The following RFC1 variants were observed in gnomAD, a reference collection of about 807,000 sequenced individuals.
RFC1 encodes A1 140 kDa subunit.
A neutral mutation model predicts 137.4 loss-of-function variants in RFC1; 37 were observed. That is an observed-to-expected ratio of 0.27 (90% CI 0.21 to 0.35). RFC1 has a LOEUF of 0.35. Among genes scored for constraint, RFC1 ranks in the 10% least tolerant of loss-of-function variants. The pLI, the probability that RFC1 is intolerant of heterozygous loss-of-function variation, is 1.00. For synonymous variants in RFC1, 429 were observed against 455.7 expected (o/e 0.94, Z 0.75); for missense variants, 1,205 against 1,358.5 (o/e 0.89, Z 1.78).
chr4:39,351,964 C>G (rs1253644969), intron 1 of RFC1, among the ~76,000 whole-genome samples: 18 of 124,972 alleles, frequency 1.4e-4, no homozygotes, highest in African/African-American at 5.4e-4. Context: ...AAGACTCCGT[C>G]TCAAAAAAAA....
chr4:39,312,504 A>T (rs924135520), intron 11 of RFC1, among the ~76,000 whole-genome samples: 2 of 152,234 alleles, frequency 1.3e-5, no homozygotes, highest in South Asian at 4.1e-4. Flanking sequence ...TATCTTCAAA[A>T]ATAAAAAAAG....
At chr4:39,362,990 T>C (rs778995308) in intron 1 of RFC1, among the ~76,000 whole-genome samples, 23 of 152,212 alleles carry the variant, frequency 1.5e-4, no homozygotes, top group Non-Finnish European at 3.2e-4. Context: ...TAGTAAACCA[T>C]GATGTGAAAG....
At chr4:39,339,924 C>A (rs146165211) in intron 4 of RFC1, among the ~76,000 whole-genome samples, 147 of 152,110 alleles carry the variant, frequency 9.7e-4, no homozygotes, top group African/African-American at 3.3e-3. Flanking sequence ...TAAACAAATA[C>A]AAAATGTCTT....
intron 10 of RFC1, among the ~76,000 whole-genome samples, chr4:39,316,420 G>A (rs1297278390): frequency 6.6e-6 from 1 of 151,850 alleles, no homozygotes; most frequent in Non-Finnish European, 1.5e-5. Context: ...CATACATTCT[G>A]GCCCCTCTGC....
chr4:39,341,558 CTTTG>C (rs17334784), intron 4 of RFC1: 2 of 454,898 alleles, frequency 4.4e-6, no homozygotes, highest in African/African-American at 4.0e-5. Flanking sequence ...CACCTATGGA[CTTTG>C]TTTTTCTTTT....
intron 22 of RFC1, among the ~76,000 whole-genome samples, chr4:39,292,599 G>A (rs1737741263): frequency 6.6e-6 from 1 of 150,516 alleles, no homozygotes. Context: ...TTCAAACCAG[G>A]CATTTATATG....
chr4:39,315,258 C>T (rs1739181734), intron 10 of RFC1, among the ~76,000 whole-genome samples: 1 of 152,230 alleles, frequency 6.6e-6, no homozygotes, highest in Non-Finnish European at 1.5e-5. Context: ...ATCTTAACAG[C>T]ATGACAGACT....
intron 4 of RFC1, among the ~76,000 whole-genome samples, chr4:39,329,575 A>G (rs1346627543): frequency 1.3e-5 from 2 of 151,242 alleles, no homozygotes; most frequent in South Asian, 2.1e-4. Flanking sequence ...AAAAAAAAAA[A>G]GAAAAAGAAA....
chr4:39,353,273 T>A (rs752201436), intron 1 of RFC1, among the ~76,000 whole-genome samples: 81 of 151,646 alleles, frequency 5.3e-4, no homozygotes, highest in Non-Finnish European at 1.0e-3. Flanking sequence ...CGGTGGTGCA[T>A]GCCTATAATC....
intron 4 of RFC1, among the ~76,000 whole-genome samples, chr4:39,335,770 T>C (rs1251182583): frequency 6.6e-6 from 1 of 152,160 alleles, no homozygotes; most frequent in Non-Finnish European, 1.5e-5. Context: ...ATCGATGCAA[T>C]TTCCCCACTG....
rs1275704364 is a variant in RFC1, at chr4:39,327,610, G to A, written c.478C>T (p.Leu160Phe). 4 of 1,613,750 alleles carry A rather than the reference G, an allele frequency of 2.5e-6. No individual in the cohort carries two copies. The highest frequency in any genetic ancestry group is 3.4e-6 in the Non-Finnish European group (4 of 1,179,842). ...TAATCAAGTACTGATGTGGGTGTAAGTTTTATTGGTGATAAAGGCTTATTC... is the reference window on the plus strand; with the variant it reads ...TAATCAAGTACTGATGTGGGTGTAAATTTTATTGGTGATAAAGGCTTATTC... Reference protein sequence around the residue: ...TKNKPLSPIKLTPTSVLDYFG... With the variant: ...TKNKPLSPIKFTPTSVLDYFG... Residue 160 changes from leucine to phenylalanine, a missense_variant, in exon 5 of 25, where the codon CTT becomes TTT. Leu to Phe is a conservative substitution (Grantham distance 22, BLOSUM62 0). Around this residue, in one of 3 missense-constraint regions of RFC1, gnomAD observed 962 missense variants for 1,035.3 expected, o/e 0.93. Coordinates refer to ENST00000349703, the MANE Select transcript of RFC1 (RefSeq NM_002913.5).
intron 7 of RFC1, among the ~76,000 whole-genome samples, chr4:39,322,627 A>G (rs1739573425): frequency 6.6e-6 from 1 of 152,132 alleles, no homozygotes; most frequent in East Asian, 1.9e-4. Flanking sequence ...AGTAAGGAAA[A>G]GGTAAACTGG....
chr4:39,339,554 T>G (rs745571865), intron 4 of RFC1, among the ~76,000 whole-genome samples: 9 of 152,178 alleles, frequency 5.9e-5, no homozygotes, highest in Non-Finnish European at 1.2e-4. Context: ...TGGAGAAATG[T>G]CTATTCAGGT....
intron 9 of RFC1, among the ~76,000 whole-genome samples, chr4:39,319,450 A>C (rs569172547): frequency 1.2e-4 from 18 of 152,340 alleles, no homozygotes; most frequent in African/African-American, 4.3e-4. Flanking sequence ...AATATCTCAC[A>C]GGGTTGTTGT....
chr4:39,328,169 A>G lies in RFC1; in HGVS notation c.332-413T>C, dbSNP rs17334881. On this transcript the variant is annotated intron_variant, in intron 4 of 24. Coordinates refer to ENST00000349703, the MANE Select transcript of RFC1 (RefSeq NM_002913.5). ...ATCCAAGAACTTAGAGATGCTAATA[A>G]CTTTTTCCCCCTATCTCCAAAATTC... 1.9e-3 allele frequency among the ~76,000 whole-genome samples: 225 copies of G among 118,236 alleles called. 2 individuals carry two copies. Among genetic ancestry groups the G allele is most frequent in the Admixed American group, 0.015 (153 of 10,030 alleles). 77.6% of individuals were successfully genotyped at this position (118,236 alleles called of 152,430 possible).
At chr4:39,323,272 G>C (rs1362338538) in intron 7 of RFC1, 68 bp downstream of exon 7, 2 of 1,182,354 alleles carry the variant, frequency 1.7e-6, no homozygotes, top group African/African-American at 3.1e-5. Flanking sequence ...CTAGAGCCTA[G>C]AACACGCAAG....
chr4:39,343,175 A>G (rs565270794), intron 3 of RFC1, among the ~76,000 whole-genome samples: 48 of 152,238 alleles, frequency 3.2e-4, no homozygotes, highest in African/African-American at 1.1e-3. Flanking sequence ...GGCGCGTGCC[A>G]CCACGCCCAG....
intron 2 of RFC1, among the ~76,000 whole-genome samples, chr4:39,346,121 C>T (rs376258088): frequency 9.3e-4 from 142 of 152,208 alleles, no homozygotes; most frequent in African/African-American, 3.3e-3. Flanking sequence ...GAAAATGAAA[C>T]GACAGAAACA....
intron 2 of RFC1, among the ~76,000 whole-genome samples, chr4:39,350,387 A>C (rs1741126275): frequency 6.6e-6 from 1 of 152,160 alleles, no homozygotes; most frequent in African/African-American, 2.4e-5. Flanking sequence ...TTACAGATTA[A>C]AGAAGCTCAG....
Sources: allele counts gnomAD v4.1 joint callset (sites outside exome capture counted in the v4.1 genomes callset), GRCh38; gene constraint gnomAD v4.1.1; regional missense constraint gnomAD v4.1.1; transcripts MANE v1.5; gene names NCBI Gene and HGNC (gene_info 2026-07-23, HGNC 2026-07-21).